The following PCDH9 variants were observed in gnomAD, a reference collection of about 807,000 sequenced individuals.
PCDH9 encodes protocadherin 9, also known as protocadherin-9.
In PCDH9, 24 loss-of-function variants were observed where a neutral mutation model predicts 70.6. The ratio of observed to expected loss-of-function variants is 0.34; its 90% CI spans 0.25 to 0.48. The LOEUF (loss-of-function observed/expected upper bound fraction) is 0.48, where lower values mean the gene tolerates loss of function less well. Among genes scored for constraint, PCDH9 ranks in the 20% least tolerant of loss-of-function variants. PCDH9 has a pLI of 0.99. For missense variants in PCDH9, 1,281 were observed against 1,503.6 expected, an observed-to-expected ratio of 0.85 and a Z score of 2.45; for synonymous variants, 562 against 558.5, an observed-to-expected ratio of 1.01 and a Z score of -0.09.
At chr13:66,320,302 C>A (rs1036593082) in intron 4 of PCDH9, among the ~76,000 whole-genome samples, 2 of 151,870 alleles carry the variant, frequency 1.3e-5, no homozygotes, top group African/African-American at 4.8e-5. Context: ...TTTTTAAGTT[C>A]TTGACTTGGC....
At chr13:66,398,745 G>T (rs1957143489) in intron 4 of PCDH9, among the ~76,000 whole-genome samples, 1 of 152,140 alleles carries the variant, frequency 6.6e-6, no homozygotes, top group Non-Finnish European at 1.5e-5. Flanking sequence ...GTGTGCAATT[G>T]TTATTACAAA....
In PCDH9 at chr13:66,525,810, C is replaced by G. The variant is rs9540790; in HGVS notation, c.3340+105400G>C. Reference sequence around the variant, plus strand: ...GCGTGGCCAAAATGAAGCTTGTCATCTCTTTCAAATCCCCCAGCTTTCACC... The same window carrying G: ...GCGTGGCCAAAATGAAGCTTGTCATGTCTTTCAAATCCCCCAGCTTTCACC... On this transcript the variant is annotated intron_variant, in intron 4 of 4. Coordinates refer to ENST00000377865, the MANE Select transcript of PCDH9 (RefSeq NM_203487.3). Among the ~76,000 whole-genome samples, 65 of 152,076 alleles carry G rather than the reference C, an allele frequency of 4.3e-4. 1 individual carries two copies. In the East Asian group the frequency reaches 0.01, roughly 24 times the overall value.
intron 3 of PCDH9, among the ~76,000 whole-genome samples, chr13:66,902,561 T>C (rs1486797286): frequency 6.6e-6 from 1 of 151,474 alleles, no homozygotes; most frequent in African/African-American, 2.4e-5. Flanking sequence ...GAAAACAGAA[T>C]ACACACACAG....
chr13:67,021,921 T>C (rs1462472999), intron 2 of PCDH9, among the ~76,000 whole-genome samples: 1 of 151,976 alleles, frequency 6.6e-6, no homozygotes, highest in African/African-American at 2.4e-5. Flanking sequence ...TATATGTATG[T>C]AGGTGTATAT....
chr13:66,812,995 C>A (rs2139364946), intron 3 of PCDH9, among the ~76,000 whole-genome samples: 1 of 152,226 alleles, frequency 6.6e-6, no homozygotes, highest in East Asian at 1.9e-4. Flanking sequence ...AAAGAGCAAA[C>A]CACTCTCCCT....
intron 2 of PCDH9, among the ~76,000 whole-genome samples, chr13:67,033,370 TAAAGTG>T (rs1269080606): frequency 6.6e-6 from 1 of 152,148 alleles, no homozygotes; most frequent in Non-Finnish European, 1.5e-5. Context: ...AGTGTTCTTG[TAAAGTG>T]AAAGAGAAGC....
intron 2 of PCDH9, chr13:66,991,133 A>G (rs1048780160): frequency 2.0e-5 from 3 of 152,074 alleles, no homozygotes; most frequent in African/African-American, 7.2e-5. Context: ...TCTGTGATAC[A>G]GTGTCCTGAA....
At chr13:66,344,283 C>T (rs751322140) in intron 4 of PCDH9, among the ~76,000 whole-genome samples, 14 of 151,704 alleles carry the variant, frequency 9.2e-5, no homozygotes, top group East Asian at 5.8e-4. Flanking sequence ...GCTGGGACCA[C>T]GCCCAGCTAA....
At chr13:66,533,788 T>G (rs1015130538) in intron 4 of PCDH9, among the ~76,000 whole-genome samples, 1 of 152,172 alleles carries the variant, frequency 6.6e-6, no homozygotes, top group African/African-American at 2.4e-5. Flanking sequence ...ACGGACAATT[T>G]TTATTTTCAC....
chr13:66,481,939 C>T (rs563793876), intron 4 of PCDH9, among the ~76,000 whole-genome samples: 4 of 129,052 alleles, frequency 3.1e-5, no homozygotes, highest in Admixed American at 2.9e-4. Flanking sequence ...AATACACATG[C>T]ACGCACACAC....
chr13:66,633,235 A>G (rs1248620795), intron 3 of PCDH9, among the ~76,000 whole-genome samples: 1 of 152,190 alleles, frequency 6.6e-6, no homozygotes, highest in Non-Finnish European at 1.5e-5. Context: ...AATTGCCTCT[A>G]TTGTAACACA....
chr13:66,513,304 C>A (rs1328466582), intron 4 of PCDH9, among the ~76,000 whole-genome samples: 8 of 148,900 alleles, frequency 5.4e-5, no homozygotes, highest in Admixed American at 2.0e-4. Context: ...AAAACTTTTA[C>A]AAAATGTCTG....
At chr13:67,124,122 A>C (rs1213178477) in intron 2 of PCDH9, among the ~76,000 whole-genome samples, 2 of 152,126 alleles carry the variant, frequency 1.3e-5, no homozygotes, top group African/African-American at 4.8e-5. Context: ...TGGTTTCAAA[A>C]AAGTAAAATG....
chr13:66,328,857 A>G (rs534024307), intron 4 of PCDH9, among the ~76,000 whole-genome samples: 1 of 152,170 alleles, frequency 6.6e-6, no homozygotes, highest in Non-Finnish European at 1.5e-5. Context: ...TGTCCCTAAG[A>G]GCTGAACATT....
chr13:66,976,432 A>C (rs951596175), intron 2 of PCDH9, among the ~76,000 whole-genome samples: 16 of 152,092 alleles, frequency 1.1e-4, no homozygotes, highest in Non-Finnish European at 1.8e-4. Flanking sequence ...CCTTTGGGTG[A>C]AACTCATTTT....
At chr13:66,509,012 GTATA>G (rs1042537796) in intron 4 of PCDH9, among the ~76,000 whole-genome samples, 155 of 152,102 alleles carry the variant, frequency 1.0e-3, no homozygotes, top group African/African-American at 3.4e-3. Flanking sequence ...CATTTAATAA[GTATA>G]TATGAAGCCT....
At chr13:66,336,778 T>A (rs1306106527) in intron 4 of PCDH9, among the ~76,000 whole-genome samples, 2 of 152,038 alleles carry the variant, frequency 1.3e-5, no homozygotes, top group African/African-American at 4.8e-5. Flanking sequence ...GAAGTCAGCA[T>A]AGAAACTATT....
chr13:66,760,485 C>G (rs576569539), intron 3 of PCDH9, among the ~76,000 whole-genome samples: 1 of 152,224 alleles, frequency 6.6e-6, no homozygotes, highest in South Asian at 2.1e-4. Context: ...TTTATAATTT[C>G]CTATGCCTGT....
intron 3 of PCDH9, among the ~76,000 whole-genome samples, chr13:66,666,843 A>G (rs747190208): frequency 1.3e-5 from 2 of 152,184 alleles, no homozygotes; most frequent in African/African-American, 2.4e-5. Flanking sequence ...AGATTTGAAT[A>G]TATGAAATAT....
Sources: allele counts gnomAD v4.1 joint callset (sites outside exome capture counted in the v4.1 genomes callset), GRCh38; gene constraint gnomAD v4.1.1; transcripts MANE v1.5; gene names NCBI Gene and HGNC (gene_info 2026-07-23, HGNC 2026-07-21).